The following TDRP variants were observed in gnomAD, a reference collection of about 807,000 sequenced individuals.
The protein encoded by TDRP is testis development-related protein.
In TDRP, 12 loss-of-function variants were observed where a neutral mutation model predicts 10.5. That is an observed-to-expected ratio of 1.15 (90% CI 0.73 to 1.86). The LOEUF is 1.86. TDRP is among the 40% of genes most tolerant of loss of function. The pLI, the probability that TDRP is intolerant of heterozygous loss-of-function variation, is 0.00. For synonymous variants in TDRP, 139 were observed against 95.4 expected (o/e 1.46, Z -2.67); for missense variants, 353 against 229.2 (o/e 1.54, Z -3.49).
At chr8:502,387 C>T (rs73527932) in intron 1 of TDRP, among the ~76,000 whole-genome samples, 8,845 of 152,266 alleles carry the variant, frequency 0.058, 850 homozygotes, top group African/African-American at 0.2. Flanking sequence ...GCCGTGTTCA[C>T]CAAATTGCAG....
At chr8:511,094 GA>G (rs1355055826) in intron 1 of TDRP, among the ~76,000 whole-genome samples, 1 of 151,966 alleles carries the variant, frequency 6.6e-6, no homozygotes, top group Admixed American at 6.5e-5. Context: ...GAGACATATG[GA>G]AAACAAAAAG....
Position 492,124 on chromosome 8 carries a change from G to A in TDRP, c.*275C>T, listed in dbSNP as rs978208314. On this transcript the variant is annotated 3_prime_UTR_variant, in exon 3 of 3. Transcript: ENST00000324079. ...AAATCATTACTGCTGTATTATGGGAGAGCATCATAAATTCACATCTCCAGT... is the reference window on the plus strand; with the variant it reads ...AAATCATTACTGCTGTATTATGGGAAAGCATCATAAATTCACATCTCCAGT... 9 of 1,234,468 alleles carry A rather than the reference G, an allele frequency of 7.3e-6. No individual in the cohort carries two copies. In the Admixed American group the frequency reaches 1.6e-4, roughly 22 times the overall value. 76.5% of individuals were successfully genotyped at this position (1,234,468 alleles called of 1,614,324 possible).
chr8:490,805 G>A lies in TDRP; in HGVS notation c.*1594C>T, dbSNP rs1275407524. ...TCACCATTTCAAGGTTCTAATACAA[G>A]CTGGAATTTTTGTTTGAACACCAAT... On this transcript the variant is annotated 3_prime_UTR_variant, in exon 3 of 3. Transcript: ENST00000324079. The A allele has an allele frequency of 1.3e-5, 2 of 152,128 alleles. No individual in the cohort carries two copies. Among genetic ancestry groups the A allele is most frequent in the African/African-American group, 4.8e-5 (2 of 41,412 alleles). The allele number at this position is 152,128 out of a possible 1,614,324, so 9.4% of individuals were successfully genotyped here.
intron 1 of TDRP, among the ~76,000 whole-genome samples, chr8:524,779 G>A (rs996108530): frequency 4.6e-5 from 7 of 152,148 alleles, no homozygotes; most frequent in East Asian, 1.9e-4. Flanking sequence ...TGAGACAAAA[G>A]AATAAAAAAC....
chr8:504,776 C>A (rs901904674), intron 1 of TDRP, among the ~76,000 whole-genome samples: 1 of 152,196 alleles, frequency 6.6e-6, no homozygotes, highest in South Asian at 2.1e-4. Context: ...ACACCAGAAA[C>A]TGGCATTCAA....
chr8:528,471 G>A (rs892711506), intron 1 of TDRP, among the ~76,000 whole-genome samples: 1 of 150,540 alleles, frequency 6.6e-6, no homozygotes, highest in Non-Finnish European at 1.5e-5. Context: ...AATATATATT[G>A]CAGCACTGTT....
chr8:498,196 C>T (rs1327337051), intron 1 of TDRP, among the ~76,000 whole-genome samples: 3 of 152,146 alleles, frequency 2.0e-5, no homozygotes, highest in South Asian at 4.2e-4. Context: ...ACCAACAACT[C>T]GAACCATGCA....
chr8:528,403 G>A (rs539999886), intron 1 of TDRP, among the ~76,000 whole-genome samples: 2 of 131,094 alleles, frequency 1.5e-5, no homozygotes, highest in East Asian at 4.9e-4. Context: ...CAATCCCACT[G>A]CTAGATATAT....
At chr8:494,734 C>G in intron 1 of TDRP, 137 bp from the exon 2 acceptor site, 2 of 713,010 alleles carry the variant, frequency 2.8e-6, no homozygotes, top group Non-Finnish European at 4.6e-6. Context: ...CATACCTGTG[C>G]GCACATAGTT....
intron 1 of TDRP, among the ~76,000 whole-genome samples, chr8:504,813 T>A (rs1016844955): frequency 1.3e-5 from 2 of 152,228 alleles, no homozygotes; most frequent in Admixed American, 1.3e-4. Flanking sequence ...AATGAACTTG[T>A]GCTCTCTGCT....
intron 2 of TDRP, among the ~76,000 whole-genome samples, chr8:494,032 G>A (rs1375001257): frequency 1.3e-4 from 15 of 114,326 alleles, no homozygotes; most frequent in Non-Finnish European, 2.1e-4. Flanking sequence ...GTCTTGCTCT[G>A]TTGCCTCCGT....
chr8:492,845 G>T, intron 2 of TDRP, 101 bp from the exon 3 acceptor site: 2 of 967,544 alleles, frequency 2.1e-6, no homozygotes, highest in Non-Finnish European at 2.9e-6. Context: ...TTAAAAAATT[G>T]TTTAGAAAAC....
intron 1 of TDRP, among the ~76,000 whole-genome samples, chr8:543,846 A>G (rs920212239): frequency 2.7e-5 from 4 of 148,792 alleles, no homozygotes; most frequent in Non-Finnish European, 4.4e-5. Context: ...TAACAGAAAG[A>G]GATATTTTAT....
chr8:538,819 T>C (rs1802415520), intron 1 of TDRP, among the ~76,000 whole-genome samples: 2 of 152,192 alleles, frequency 1.3e-5, no homozygotes, highest in African/African-American at 4.8e-5. Context: ...AGATGCAACT[T>C]TTCCCCCCAT....
chr8:497,554 G>A (rs1437271023), intron 1 of TDRP, among the ~76,000 whole-genome samples: 2 of 152,164 alleles, frequency 1.3e-5, no homozygotes, highest in African/African-American at 4.8e-5. Context: ...AAGGCAAGCA[G>A]AGCATACAAG....
chr8:538,585 G>C (rs956022718), intron 1 of TDRP, among the ~76,000 whole-genome samples: 15 of 152,178 alleles, frequency 9.9e-5, no homozygotes, highest in African/African-American at 3.4e-4. Context: ...ACAAAAGGCA[G>C]AGATAGGGTG....
intron 1 of TDRP, among the ~76,000 whole-genome samples, chr8:524,678 G>A (rs112500614): frequency 2.6e-4 from 39 of 151,558 alleles, no homozygotes; most frequent in African/African-American, 9.5e-4. Context: ...TATGAAGAAT[G>A]CATCAGTCTC....
intron 1 of TDRP, among the ~76,000 whole-genome samples, chr8:520,011 A>G (rs1327407102): frequency 6.6e-6 from 1 of 152,244 alleles, no homozygotes; most frequent in African/African-American, 2.4e-5. Flanking sequence ...TGGGAAAGAA[A>G]GGGAATGGAG....
At position 492,232 on chromosome 8, in the gene TDRP, G is replaced by C; in HGVS notation, c.*167C>G. ...AATCCCTGCACGTGTTCACCAAGGAGTCACAGTGTGTGTGAGAGTTCATTA... is the reference window on the plus strand; with the variant it reads ...AATCCCTGCACGTGTTCACCAAGGACTCACAGTGTGTGTGAGAGTTCATTA... On this transcript the variant is annotated 3_prime_UTR_variant, in exon 3 of 3. Coordinates refer to ENST00000324079, the MANE Select transcript of TDRP (RefSeq NM_001384899.1). 1.5e-6 allele frequency: 2 copies of C among 1,299,862 alleles called. No individual in the cohort carries two copies. The highest frequency in any genetic ancestry group is 1.5e-5 in the African/African-American group (1 of 66,286). 80.5% of individuals were successfully genotyped at this position (1,299,862 alleles called of 1,614,324 possible).
Sources: gnomAD v4.1 joint callset for allele counts (sites outside exome capture counted in the v4.1 genomes callset) on GRCh38, gnomAD v4.1.1 for gene constraint, MANE v1.5 for transcripts, NCBI Gene and HGNC (gene_info 2026-07-23, HGNC 2026-07-21) for gene names.